Variants in TPO observed in about 807,000 individuals in gnomAD.
TPO encodes the protein thyroid peroxidase.
TPO carries 78 observed loss-of-function variants against 96.9 expected under a neutral mutation model. The observed-to-expected ratio is 0.81, with a 90% CI of 0.67 to 0.97. The LOEUF is 0.97. TPO is among the 50% of genes least tolerant of loss of function. The pLI is 0.00. For missense variants in TPO, 1,252 were observed against 1,274.8 expected (o/e 0.98, Z 0.27); for synonymous variants, 547 against 538.0 (o/e 1.02, Z -0.23).
chr2:1,477,640 C>T (rs760182752), intron 8 of TPO, 36 bp downstream of exon 8: 206 of 1,449,546 alleles, frequency 1.4e-4, no homozygotes, highest in Non-Finnish European at 1.7e-4. Context: ...TGGGTGGCTG[C>T]GGGCAAAGCG....
intron 7 of TPO, among the ~76,000 whole-genome samples, chr2:1,470,018 G>T (rs1454221417): frequency 2.0e-5 from 3 of 152,172 alleles, no homozygotes; most frequent in Admixed American, 2.0e-4. Context: ...TCCTCCTCAT[G>T]TTGGAATTTT....
chr2:1,493,144 A>AGTC (rs1285577199), intron 10 of TPO, among the ~76,000 whole-genome samples: 1 of 137,666 alleles, frequency 7.3e-6, no homozygotes, highest in Admixed American at 8.3e-5. Context: ...AAAGATCTCC[A>AGTC]GTCTTCAATA....
chr2:1,435,146 G>A (rs1448092239), intron 4 of TPO, among the ~76,000 whole-genome samples: 1 of 152,138 alleles, frequency 6.6e-6, no homozygotes, highest in Admixed American at 6.5e-5. Context: ...TGTTAGCCAG[G>A]ATGGTCTCGA....
chr2:1,422,976 C>A (rs901494347), intron 2 of TPO, 69 bp from the exon 3 acceptor site: 15 of 1,549,772 alleles, frequency 9.7e-6, no homozygotes, highest in Admixed American at 1.7e-5. Flanking sequence ...GCTTGAGGAA[C>A]AAAGCAACAC....
chr2:1,509,672 G>A (rs976913347), intron 14 of TPO, among the ~76,000 whole-genome samples: 6 of 150,492 alleles, frequency 4.0e-5, no homozygotes, highest in Non-Finnish European at 5.9e-5. Flanking sequence ...TCTTGTTTAG[G>A]GCAAACCACA....
intron 13 of TPO, among the ~76,000 whole-genome samples, chr2:1,498,378 G>C (rs1201711435): frequency 6.6e-6 from 1 of 152,194 alleles, no homozygotes; most frequent in Non-Finnish European, 1.5e-5. Flanking sequence ...GATGAGGAGA[G>C]GAAGAAACAA....
At chr2:1,419,265 A>G (rs1663259952) in intron 2 of TPO, among the ~76,000 whole-genome samples, 1 of 151,938 alleles carries the variant, frequency 6.6e-6, no homozygotes, top group African/African-American at 2.4e-5. Flanking sequence ...TTCAGTTCTG[A>G]AAAAAAACTT....
At position 1,496,719 on chromosome 2, in the gene TPO, C is replaced by T. The variant is rs1376666638; in HGVS notation, c.2340C>T (p.Leu780=). 4 of 1,614,044 alleles carry T rather than the reference C, an allele frequency of 2.5e-6. No individual in the cohort carries two copies. The Admixed American group carries it at 5.0e-5, about 20-fold the overall frequency. The stretch of plus-strand genomic sequence containing the variant: ...ATGAGCTCCAAGGCCGGGAGCAGCT[C>T]ACTTGCACCCAGGAAGGATGGGATT... ...HGYELQGREQ[L]TCTQEGWDFQ... is the part of the protein sequence containing the mutation. Residue 780 remains leucine, a synonymous_variant, in exon 13 of 17, where the codon CTC becomes CTT. Coordinates refer to ENST00000329066, the MANE Select transcript of TPO (RefSeq NM_001206744.2).
At chr2:1,529,568 A>G (rs1290158724) in intron 15 of TPO, among the ~76,000 whole-genome samples, 1 of 120,156 alleles carries the variant, frequency 8.3e-6, no homozygotes, top group South Asian at 2.9e-4. Flanking sequence ...ACCGTGTGCA[A>G]CCTCCTCAAA....
intron 1 of TPO, among the ~76,000 whole-genome samples, chr2:1,404,015 G>A (rs1662210746): frequency 6.6e-6 from 1 of 152,210 alleles, no homozygotes; most frequent in Admixed American, 6.5e-5. Flanking sequence ...TTGGATATAT[G>A]CAATCTTGCG....
chr2:1,457,744 A>G (rs566618128), intron 7 of TPO, among the ~76,000 whole-genome samples: 1 of 152,266 alleles, frequency 6.6e-6, no homozygotes, highest in South Asian at 2.1e-4. Flanking sequence ...TATAGCATAT[A>G]GGATTATGTG....
At chr2:1,542,317 G>GAAAAGAGCTCCTGTCCAGGCCC in intron 16 of TPO, 104 bp from the exon 17 acceptor site, 1 of 1,491,716 alleles carries the variant, frequency 6.7e-7, no homozygotes, top group Non-Finnish European at 9.2e-7. Context: ...GGTCCTTTGT[G>GAAAAGAGCTCCTGTCCAGGCCC]AAAAGAGCTC....
At chr2:1,530,532 C>A (rs115620620) in intron 15 of TPO, among the ~76,000 whole-genome samples, 7,777 of 92,972 alleles carry the variant, frequency 0.084, 462 homozygotes, top group Non-Finnish European at 0.1. Flanking sequence ...CTCTGTGCAA[C>A]CCCCCCAAAT....
In TPO at chr2:1,535,094, A is replaced by C. The variant is rs568468006; in HGVS notation, c.2619-5500A>C. ...CACTCTGTGCACCTTCCCCAAATCT[A>C]CCTAACTCTGTGTAACCTCCTCACA... On this transcript the variant is annotated intron_variant, in intron 15 of 16. Coordinates refer to ENST00000329066, the MANE Select transcript of TPO (RefSeq NM_001206744.2). 1.1e-3 allele frequency among the ~76,000 whole-genome samples: 27 copies of C among 24,564 alleles called. No individual in the cohort carries two copies. In the East Asian group the frequency reaches 0.018, roughly 16 times the overall value. The allele number at this position is 24,564 out of a possible 152,430, so 16.1% of individuals were successfully genotyped here.
chr2:1,380,297 G>A (rs1371245196), intron 1 of TPO, among the ~76,000 whole-genome samples: 1 of 151,580 alleles, frequency 6.6e-6, no homozygotes, highest in African/African-American at 2.4e-5. Context: ...GGGAGGCTGA[G>A]GCAGGAGAAT....
rs370646349 is a variant in TPO at position 1,433,475 on chromosome 2, C to T, written c.217C>T (p.Leu73Phe). ...KKRGILSPAQ[L>F]LSFSKLPEPT... ...AAGAGGAATCCTTTCTCCAGCTCAG[C>T]TTCTGTCTTTTTCCAAACTTCCTGA... The change falls in exon 4 of 17, where the codon CTT becomes TTT. Residue 73 changes from leucine to phenylalanine, a missense_variant. Coordinates refer to ENST00000329066, the MANE Select transcript of TPO (RefSeq NM_001206744.2). The T allele has an allele frequency of 3.7e-5, 60 of 1,614,076 alleles. No homozygotes were observed. The highest frequency in any genetic ancestry group is 8.3e-5 in the Admixed American group (5 of 60,006).
chr2:1,506,228 G>A (rs891458738), intron 14 of TPO, among the ~76,000 whole-genome samples: 1 of 151,784 alleles, frequency 6.6e-6, no homozygotes, highest in African/African-American at 2.4e-5. Context: ...ATCATTTATG[G>A]CTGCATAGTA....
At chr2:1,472,790 CTTGT>C (rs1558326105) in intron 7 of TPO, among the ~76,000 whole-genome samples, 1 of 88,164 alleles carries the variant, frequency 1.1e-5, no homozygotes, top group African/African-American at 4.8e-5. Flanking sequence ...TGGCAACAGC[CTTGT>C]TTTTTTCTCA....
intron 14 of TPO, among the ~76,000 whole-genome samples, chr2:1,510,222 G>A (rs1673956411): frequency 6.6e-6 from 1 of 151,674 alleles, no homozygotes; most frequent in Non-Finnish European, 1.5e-5. Flanking sequence ...AGGTAGCCAG[G>A]TAGCGAAGCT....
Sources: gnomAD v4.1 joint callset for allele counts (sites outside exome capture counted in the v4.1 genomes callset) on GRCh38, gnomAD v4.1.1 for gene constraint, MANE v1.5 for transcripts, NCBI Gene and HGNC (gene_info 2026-07-23, HGNC 2026-07-21) for gene names.